Variants in APBB1IP observed in about 807,000 individuals in gnomAD.
APBB1IP encodes the protein amyloid beta A4 precursor protein-binding family B member 1-interacting protein.
In APBB1IP, 27 loss-of-function variants were observed where a neutral mutation model predicts 64.9. That is an observed-to-expected ratio of 0.42 (90% CI 0.31 to 0.57). The LOEUF (loss-of-function observed/expected upper bound fraction) is 0.57, where lower values mean the gene tolerates loss of function less well. Ranked by LOEUF, APBB1IP falls within the 20% of genes least tolerant of loss-of-function variation. APBB1IP has a pLI of 0.20. For synonymous variants in APBB1IP, 392 were observed against 331.0 expected (o/e 1.18, Z -2.00); for missense variants, 812 against 845.5 (o/e 0.96, Z 0.49).
chr10:26,558,556 G>C (rs773374380), intron 11 of APBB1IP, among the ~76,000 whole-genome samples: 3 of 151,482 alleles, frequency 2.0e-5, no homozygotes, highest in Non-Finnish European at 2.9e-5. Context: ...TAAGGTGGGA[G>C]GATCACTTGA....
intron 2 of APBB1IP, among the ~76,000 whole-genome samples, chr10:26,489,045 C>G (rs7067572): frequency 0.077 from 11,767 of 152,242 alleles, 1,477 homozygotes; most frequent in African/African-American, 0.26. Context: ...TGCCTCCTGG[C>G]CAACACAGTT....
chr10:26,484,946 T>A (rs1189026184), intron 2 of APBB1IP, among the ~76,000 whole-genome samples: 2 of 152,226 alleles, frequency 1.3e-5, no homozygotes, highest in African/African-American at 4.8e-5. Flanking sequence ...CTTGAAATGT[T>A]AACTGACTTT....
At chr10:26,515,117 G>A (rs1836309707) in intron 8 of APBB1IP, among the ~76,000 whole-genome samples, 1 of 149,888 alleles carries the variant, frequency 6.7e-6, no homozygotes, top group Non-Finnish European at 1.5e-5. Context: ...TCCTGACCTC[G>A]TGATCCGCCC....
At chr10:26,447,763 C>G (rs1469601759) in intron 2 of APBB1IP, among the ~76,000 whole-genome samples, 2 of 152,094 alleles carry the variant, frequency 1.3e-5, no homozygotes, top group Non-Finnish European at 2.9e-5. Context: ...CTCTGTCACC[C>G]AAGCAAGAGT....
intron 2 of APBB1IP, among the ~76,000 whole-genome samples, chr10:26,486,719 T>A (rs1835896018): frequency 6.6e-6 from 1 of 152,196 alleles, no homozygotes; most frequent in Non-Finnish European, 1.5e-5. Flanking sequence ...CTGCCGTCGA[T>A]ATAAACATAT....
intron 4 of APBB1IP, among the ~76,000 whole-genome samples, chr10:26,500,157 G>A (rs1836078513): frequency 6.8e-6 from 1 of 147,956 alleles, no homozygotes; most frequent in South Asian, 2.1e-4. Context: ...ATTGTAGTGA[G>A]CCAAGATCTC....
chr10:26,528,351 T>G (rs1009734028), intron 8 of APBB1IP, among the ~76,000 whole-genome samples: 1 of 152,188 alleles, frequency 6.6e-6, no homozygotes, highest in Non-Finnish European at 1.5e-5. Flanking sequence ...CCTCTGTGCC[T>G]TTGTGCATGC....
At chr10:26,564,759 T>C (rs1366240142) in intron 14 of APBB1IP, among the ~76,000 whole-genome samples, 2 of 152,088 alleles carry the variant, frequency 1.3e-5, no homozygotes, top group East Asian at 3.9e-4. Context: ...GGGGAGATGC[T>C]GCCACTGCAC....
chr10:26,470,112 C>T (rs1367120306), intron 2 of APBB1IP, among the ~76,000 whole-genome samples: 1 of 152,166 alleles, frequency 6.6e-6, no homozygotes, highest in African/African-American at 2.4e-5. Flanking sequence ...TAATGATTTT[C>T]CACTATATGG....
chr10:26,472,826 A>G (rs1835735218), intron 2 of APBB1IP, among the ~76,000 whole-genome samples: 1 of 151,966 alleles, frequency 6.6e-6, no homozygotes, highest in Non-Finnish European at 1.5e-5. Context: ...AGTCCCAGCT[A>G]CTCAGGAGGG....
At chr10:26,547,023 A>G (rs1326403207) in intron 11 of APBB1IP, among the ~76,000 whole-genome samples, 3 of 152,202 alleles carry the variant, frequency 2.0e-5, no homozygotes, top group African/African-American at 7.2e-5. Context: ...AATGGTGCAT[A>G]AGAGTTCTTG....
chr10:26,549,859 T>G (rs990689493), intron 11 of APBB1IP, among the ~76,000 whole-genome samples: 1 of 152,050 alleles, frequency 6.6e-6, no homozygotes, highest in African/African-American at 2.4e-5. Flanking sequence ...TGTGCTCTGA[T>G]CTTTATTATT....
intron 11 of APBB1IP, among the ~76,000 whole-genome samples, chr10:26,545,770 C>A (rs787042): frequency 0.27 from 26,782 of 98,146 alleles, 3,045 homozygotes; most frequent in East Asian, 0.42. Context: ...AAAAAAAAAA[C>A]AAACAAACAA....
chr10:26,567,619 A>G lies in APBB1IP; in HGVS notation c.*131A>G. Reference sequence around the variant, plus strand: ...TGGGAAACTTCTCACTGATGTGCTCAAGTACAGGCATAACCATTAACCCAG... The same window carrying G: ...TGGGAAACTTCTCACTGATGTGCTCGAGTACAGGCATAACCATTAACCCAG... On this transcript the variant is annotated 3_prime_UTR_variant, in exon 15 of 15. Coordinates refer to ENST00000376236, the MANE Select transcript of APBB1IP (RefSeq NM_019043.4). 2 of 1,430,630 alleles carry G rather than the reference A, an allele frequency of 1.4e-6. No individual in the cohort carries two copies. Among genetic ancestry groups the G allele is most frequent in the South Asian group, 2.4e-5 (2 of 82,846 alleles). The allele number at this position is 1,430,630 out of a possible 1,614,324, so 88.6% of individuals were successfully genotyped here.
rs189775575 is a variant in APBB1IP at position 26,512,122 on chromosome 10, G to A, written c.691+216G>A. On this transcript the variant is annotated intron_variant, in intron 7 of 14. Coordinates refer to ENST00000376236, the MANE Select transcript of APBB1IP (RefSeq NM_019043.4). ...TGTGATTACAGGTGTGAGCCACTGC[G>A]CCTGGCCTGGTTCATCCTTGAGAAG... Among the ~76,000 whole-genome samples the A allele has an allele frequency of 8.5e-5, 13 of 152,246 alleles. No individual in the cohort carries two copies. The East Asian group carries it at 1.5e-3, about 18-fold the overall frequency.
chr10:26,496,566 A>T (rs1836027950), intron 4 of APBB1IP, among the ~76,000 whole-genome samples, 175 bp downstream of exon 4: 1 of 152,154 alleles, frequency 6.6e-6, no homozygotes. Flanking sequence ...TGAGAGAGTC[A>T]AGAAGACATT....
chr10:26,464,332 G>A (rs1341270048), intron 2 of APBB1IP, among the ~76,000 whole-genome samples: 2 of 152,138 alleles, frequency 1.3e-5, no homozygotes, highest in Non-Finnish European at 2.9e-5. Context: ...CCACCTATAT[G>A]CAAACACCGC....
At chr10:26,513,793 C>G in intron 8 of APBB1IP, 133 bp downstream of exon 8, 1 of 1,124,008 alleles carries the variant, frequency 8.9e-7, no homozygotes, top group Non-Finnish European at 1.2e-6. Flanking sequence ...AGTGCAGTGG[C>G]GTGATCTTGG....
At chr10:26,532,471 CTTTATTTT>C (rs1836566762) in intron 8 of APBB1IP, among the ~76,000 whole-genome samples, 1 of 151,922 alleles carries the variant, frequency 6.6e-6, no homozygotes, top group Non-Finnish European at 1.5e-5. Context: ...TCTTTTATTT[CTTTATTTT>C]TTTATTTTAT....
Sources: allele counts gnomAD v4.1 joint callset (sites outside exome capture counted in the v4.1 genomes callset), GRCh38; gene constraint gnomAD v4.1.1; transcripts MANE v1.5; gene names NCBI Gene and HGNC (gene_info 2026-07-23, HGNC 2026-07-21).